PRDM16: variants seen among roughly 807,000 people sequenced by gnomAD.
PRDM16 encodes histone-lysine N-methyltransferase PRDM16.
Under a neutral mutation model 110.6 loss-of-function variants are expected in PRDM16, and 23 were observed. The observed-to-expected ratio is 0.21, with a 90% CI of 0.15 to 0.29. PRDM16 has a LOEUF of 0.29. Among genes scored for constraint, PRDM16 ranks in the 10% least tolerant of loss-of-function variants. The pLI is 1.00. For missense variants in PRDM16, 1,615 were observed against 1,794.3 expected, an observed-to-expected ratio of 0.90 and a Z score of 1.81; for synonymous variants, 799 against 781.8, an observed-to-expected ratio of 1.02 and a Z score of -0.37.
chr1:3,262,975 C>G (rs372386701), intron 3 of PRDM16, among the ~76,000 whole-genome samples: 2 of 152,178 alleles, frequency 1.3e-5, no homozygotes, highest in African/African-American at 4.8e-5. Flanking sequence ...GTGCCTCCGG[C>G]AGGGCCATAG....
At chr1:3,396,393 G>A (rs892271671) in intron 4 of PRDM16, 98 bp from the exon 5 acceptor site, 50 of 750,956 alleles carry the variant, frequency 6.7e-5, no homozygotes, top group African/African-American at 1.0e-4. Context: ...AGTGCAGGCC[G>A]AGCTGCGTCC....
At chr1:3,338,975 G>A (rs2483280) in intron 3 of PRDM16, among the ~76,000 whole-genome samples, 45,237 of 152,060 alleles carry the variant, frequency 0.3, 7,938 homozygotes, top group South Asian at 0.44. Context: ...GAAGAAGCCC[G>A]TTGTGACAGT....
At chr1:3,119,886 G>A (rs975705992) in intron 1 of PRDM16, among the ~76,000 whole-genome samples, 2 of 152,230 alleles carry the variant, frequency 1.3e-5, no homozygotes, top group East Asian at 1.9e-4. Context: ...AGGGAAGCCT[G>A]CAGAGGGGCA....
Position 3,436,715 on chromosome 1 carries a change from G to A in PRDM16, c.*2904G>A. ...CCTGGCCCGGGTGTGAGAATTCAGA[G>A]ATTCTGGCCTCCAGCTGTCACCACA... On this transcript the variant is annotated 3_prime_UTR_variant, in exon 17 of 17. Coordinates refer to ENST00000270722, the MANE Select transcript of PRDM16 (RefSeq NM_022114.4). 1 of 232,476 alleles carries A rather than the reference G, an allele frequency of 4.3e-6. No homozygotes were observed. Among genetic ancestry groups the A allele is most frequent in the East Asian group, 6.1e-5 (1 of 16,462 alleles). The allele number at this position is 232,476 out of a possible 1,614,324, so 14.4% of individuals were successfully genotyped here.
chr1:3,390,419 GC>G lies in PRDM16; in HGVS notation c.573+5137del. 6.6e-6 allele frequency among the ~76,000 whole-genome samples: 1 copy of G among 152,280 alleles called. No individual in the cohort carries two copies. The highest frequency in any genetic ancestry group is 2.1e-4 in the South Asian group (1 of 4,828). On this transcript the variant is annotated intron_variant, in intron 4 of 16. Transcript: ENST00000270722. The surrounding 1 kb of genome is among the most constrained non-coding windows in gnomAD (Gnocchi z 5.0). The stretch of plus-strand genomic sequence containing the variant: ...TAGCACCCCTGGATTGAGAGAAGCA[GC>G]CCCAATCTGCATAGCGCCCTGGGGC...
intron 11 of PRDM16, 106 bp downstream of exon 11, chr1:3,418,103 G>A (rs570169291): frequency 1.1e-6 from 1 of 927,652 alleles, no homozygotes; most frequent in Non-Finnish European, 1.6e-6. Context: ...CCCGGCCATA[G>A]GAAAGCACAG....
intron 3 of PRDM16, among the ~76,000 whole-genome samples, chr1:3,326,213 T>C (rs1641906030): frequency 1.3e-5 from 2 of 152,218 alleles, no homozygotes; most frequent in South Asian, 4.1e-4. Flanking sequence ...TGGCCCTCCT[T>C]GGCCATTCTT....
intron 1 of PRDM16, among the ~76,000 whole-genome samples, chr1:3,162,516 G>C (rs72846831): frequency 0.013 from 2,018 of 152,272 alleles, 44 homozygotes; most frequent in African/African-American, 0.046. Flanking sequence ...GGCTGAGGTC[G>C]CAGGCCCACG....
intron 3 of PRDM16, among the ~76,000 whole-genome samples, chr1:3,276,463 G>A (rs1313683435): frequency 6.6e-6 from 1 of 152,242 alleles, no homozygotes; most frequent in Non-Finnish European, 1.5e-5. Flanking sequence ...TCTGCTGTGG[G>A]AGCCTCTCAT....
At chr1:3,405,787 T>A in intron 8 of PRDM16, 139 bp downstream of exon 8, 1 of 832,658 alleles carries the variant, frequency 1.2e-6, no homozygotes, top group Non-Finnish European at 1.8e-6. Flanking sequence ...TGGCAGGTTC[T>A]GACATCTCTG....
chr1:3,241,772 G>A (rs1490524942), intron 2 of PRDM16, among the ~76,000 whole-genome samples: 1 of 152,240 alleles, frequency 6.6e-6, no homozygotes, highest in Non-Finnish European at 1.5e-5. Context: ...GCGACCAAAA[G>A]TGCAAGTGAA....
intron 1 of PRDM16, among the ~76,000 whole-genome samples, chr1:3,181,171 CGGTCTT>C (rs1644162651): frequency 6.6e-6 from 1 of 150,750 alleles, no homozygotes; most frequent in Non-Finnish European, 1.5e-5. Flanking sequence ...CGCGGTCTTA[CGGTCTT>C]ACACACGCAG....
chr1:3,319,495 C>T (rs1292815101), intron 3 of PRDM16, among the ~76,000 whole-genome samples: 1 of 152,132 alleles, frequency 6.6e-6, no homozygotes, highest in African/African-American at 2.4e-5. Context: ...AGAGAGAAGC[C>T]TGAGGCCATC....
Position 3,434,692 on chromosome 1 carries a change from C to A in PRDM16, c.*881C>A, listed in dbSNP as rs1638860190. Reference sequence around the variant, plus strand: ...TGGCCTTCAGAGGAATCCACAGGTCCCCACCCAAGATCCCTCAATTATATG... The same window carrying A: ...TGGCCTTCAGAGGAATCCACAGGTCACCACCCAAGATCCCTCAATTATATG... On this transcript the variant is annotated 3_prime_UTR_variant, in exon 17 of 17. Transcript: ENST00000270722. The A allele has an allele frequency of 4.3e-6, 1 of 232,706 alleles. No individual in the cohort carries two copies. Among genetic ancestry groups the A allele is most frequent in the East Asian group, 6.1e-5 (1 of 16,518 alleles). 14.4% of individuals were successfully genotyped at this position (232,706 alleles called of 1,614,324 possible). A position where few individuals can be genotyped will look rare whatever the true frequency, so the allele number is the denominator to read the frequency against.
At chr1:3,295,580 C>T (rs1045563509) in intron 3 of PRDM16, among the ~76,000 whole-genome samples, 3 of 152,084 alleles carry the variant, frequency 2.0e-5, no homozygotes, top group Non-Finnish European at 4.4e-5. Context: ...GTCACCTCCC[C>T]GGGGGCCGTA....
chr1:3,415,653 CA>C (rs1471750721), intron 10 of PRDM16, among the ~76,000 whole-genome samples: 1 of 152,254 alleles, frequency 6.6e-6, no homozygotes, highest in Non-Finnish European at 1.5e-5. Flanking sequence ...TCGGGCGGAG[CA>C]AGCCGGGCGG....
chr1:3,103,667 G>A (rs144861725), intron 1 of PRDM16, among the ~76,000 whole-genome samples: 1,698 of 152,300 alleles, frequency 0.011, 14 homozygotes, highest in Non-Finnish European at 0.019. Flanking sequence ...GAGGGGACGA[G>A]AGTTCTGTAA....
At position 3,339,711 on chromosome 1, in the gene PRDM16, C is replaced by T. The variant is rs1186156481; in HGVS notation, c.439-45441C>T. On this transcript the variant is annotated intron_variant, in intron 3 of 16. Coordinates refer to ENST00000270722, the MANE Select transcript of PRDM16 (RefSeq NM_022114.4). This position sits in a 1 kb window ranked among gnomAD's most constrained non-coding sequence, Gnocchi z 5.0. ...GGTGTGCAGAGCTCAGTTACCCCAT[C>T]TGCCTCAGCCTCCCTCAGAACTGTG... 3.3e-5 allele frequency among the ~76,000 whole-genome samples: 5 copies of T among 152,150 alleles called. No individual in the cohort carries two copies. Among genetic ancestry groups the T allele is most frequent in the African/African-American group, 7.2e-5 (3 of 41,430 alleles).
chr1:3,401,132 C>T (rs1383256828), intron 5 of PRDM16, among the ~76,000 whole-genome samples: 1 of 152,168 alleles, frequency 6.6e-6, no homozygotes, highest in East Asian at 1.9e-4. Context: ...GCATCTCTAC[C>T]CTTAGGCTCA....
Sources: gnomAD v4.1 joint callset for allele counts (sites outside exome capture counted in the v4.1 genomes callset) on GRCh38, gnomAD v4.1.1 for gene constraint, Gnocchi (gnomAD v3.1) non-coding constraint, MANE v1.5 for transcripts, NCBI Gene and HGNC (gene_info 2026-07-23, HGNC 2026-07-21) for gene names.